Variants in MEPCE observed in about 807,000 individuals in gnomAD.
The protein encoded by MEPCE is 7SK snRNA methylphosphate capping enzyme.
MEPCE carries 9 observed loss-of-function variants against 52.3 expected under a neutral mutation model. The observed-to-expected ratio is 0.17, with a 90% CI of 0.10 to 0.30. The LOEUF is 0.30. Among genes scored for constraint, MEPCE ranks in the 10% least tolerant of loss-of-function variants. The pLI is 1.00. For synonymous variants in MEPCE, 477 were observed against 401.6 expected (o/e 1.19, Z -2.25); for missense variants, 826 against 933.0 (o/e 0.89, Z 1.49).
At position 100,431,301 on chromosome 7, in the gene MEPCE, C is replaced by A. The variant is rs535240966; in HGVS notation, c.1283C>A (p.Ser428Tyr). 1 of 1,614,202 alleles carries A rather than the reference C, an allele frequency of 6.2e-7. No individual in the cohort carries two copies. The highest frequency in any genetic ancestry group is 1.1e-5 in the South Asian group (1 of 91,090). ...YCKYYGYRNPSCEDGRLRVLK... is the reference protein window; with the variant it reads ...YCKYYGYRNPYCEDGRLRVLK... ...AAATACTATGGGTACCGCAATCCTTCCTGTGAGGATGGGCGCCTTCGGGTG... is the reference window on the plus strand; with the variant it reads ...AAATACTATGGGTACCGCAATCCTTACTGTGAGGATGGGCGCCTTCGGGTG... The change falls in exon 1 of 4, where the codon TCC (serine) becomes TAC (tyrosine). Residue 428 changes from serine (S) to tyrosine (Y), a missense_variant. Around this residue, in one of 7 missense-constraint regions of MEPCE, gnomAD observed 307 missense variants for 292.1 expected, o/e 1.05. Coordinates refer to ENST00000310512, the MANE Select transcript of MEPCE (RefSeq NM_019606.6).
In MEPCE at chr7:100,430,305, G is replaced by C; in HGVS notation, c.287G>C (p.Gly96Ala). ...GGCGGCCCCCAGGCGCAGTCGCATG[G>C]GGAGGCCCGCCTGTCGGATCCCCCG... ...RGGGPQAQSH[G>A]EARLSDPPGR... The change falls in exon 1 of 4, where the codon GGG (glycine) becomes GCG (alanine). Residue 96 changes from glycine (G) to alanine (A), a missense_variant. This residue lies in a region of MEPCE where 314 missense variants were observed against 277.7 expected (regional missense o/e 1.13). Transcript: ENST00000310512. 6 of 1,418,722 alleles carry C rather than the reference G, an allele frequency of 4.2e-6. No homozygotes were observed. Among genetic ancestry groups the C allele is most frequent in the Non-Finnish European group, 5.5e-6 (6 of 1,090,162 alleles). 87.9% of individuals were successfully genotyped at this position (1,418,722 alleles called of 1,614,324 possible). A position where few individuals can be genotyped will look rare whatever the true frequency, so the allele number is the denominator to read the frequency against.
chr7:100,429,201 C>T (rs928283862), upstream of MEPCE, among the ~76,000 whole-genome samples: 3 of 152,076 alleles, frequency 2.0e-5, no homozygotes, highest in African/African-American at 7.2e-5. Context: ...TTCATGAGCC[C>T]CGCCCTTCGT....
At chr7:100,433,421 G>A in intron 3 of MEPCE, 32 bp downstream of exon 3, 1 of 1,614,150 alleles carries the variant, frequency 6.2e-7, no homozygotes, top group Non-Finnish European at 8.5e-7. Flanking sequence ...AGGGAGGCTG[G>A]TCCTGGCTGA....
Position 100,431,094 on chromosome 7 carries a change from C to T in MEPCE, c.1076C>T (p.Ser359Phe). 6.2e-7 allele frequency: 1 copy of T among 1,613,820 alleles called. No homozygotes were observed. Among genetic ancestry groups the T allele is most frequent in the African/African-American group, 1.3e-5 (1 of 75,060 alleles). Residue 359 changes from serine (S) to phenylalanine (F), a missense_variant, in exon 1 of 4, where the codon TCC (serine) becomes TTC (phenylalanine). Physicochemically the swap from Ser to Phe is radical, Grantham distance 155. This residue lies in a region of MEPCE where 307 missense variants were observed against 292.1 expected (regional missense o/e 1.05). Transcript: ENST00000310512. ...GTTATCTCTGCACCCCCATCTTCCT[C>T]CTCCCGACATCGCAAACGTCGCAGG... Reference protein sequence around the residue: ...ASVISAPPSSSSRHRKRRRTS... With the variant: ...ASVISAPPSSFSRHRKRRRTS...
At position 100,430,316 on chromosome 7, in the gene MEPCE, C is replaced by T. The variant is rs946347031; in HGVS notation, c.298C>T (p.Leu100=). The change falls in exon 1 of 4, where the codon CTG becomes TTG. Residue 100 remains leucine (L), a synonymous_variant. Coordinates refer to ENST00000310512, the MANE Select transcript of MEPCE (RefSeq NM_019606.6). ...GGCGCAGTCGCATGGGGAGGCCCGC[C>T]TGTCGGATCCCCCGGGGCGAGCCGC... ...PQAQSHGEAR[L]SDPPGRAAPP... 6 of 1,419,736 alleles carry T rather than the reference C, an allele frequency of 4.2e-6. No homozygotes were observed. In the African/African-American group the frequency reaches 7.2e-5, roughly 17 times the overall value. The allele number at this position is 1,419,736 out of a possible 1,614,324, so 87.9% of individuals were successfully genotyped here.
chr7:100,433,488 C>G lies in MEPCE; in HGVS notation c.2018-14C>G, dbSNP rs200170619. ...GTGCTGCCAACCCCTTCTGATCACT[C>G]TCTCTCCCCTCAGGCTTCCAGCGTC... On this transcript the variant is annotated splice_polypyrimidine_tract_variant and intron_variant, in intron 3 of 3. Transcript: ENST00000310512. 2,211 of 1,614,074 alleles carry G rather than the reference C, an allele frequency of 1.4e-3. 5 individuals carry two copies. Among genetic ancestry groups the G allele is most frequent in the Non-Finnish European group, 1.7e-3 (1,961 of 1,179,988 alleles).
chr7:100,433,338 G>A lies in MEPCE; in HGVS notation c.1966G>A (p.Val656Met). Residue 656 changes from valine (V) to methionine (M), a missense_variant, in exon 3 of 4, where the codon GTG (valine) becomes ATG (methionine). Around this residue, in one of 7 missense-constraint regions of MEPCE, gnomAD observed 82 missense variants for 121.4 expected, o/e 0.68. Coordinates refer to ENST00000310512, the MANE Select transcript of MEPCE (RefSeq NM_019606.6). ...CAGTTCCTACCTGACATCCCCAGAC[G>A]TGGGCTTCTCCAGCTATGAGCTTGT... ...QFSSYLTSPD[V>M]GFSSYELVAT... 2 of 1,614,194 alleles carry A rather than the reference G, an allele frequency of 1.2e-6. No homozygotes were observed. The highest frequency in any genetic ancestry group is 1.7e-6 in the Non-Finnish European group (2 of 1,180,046).
intron 1 of MEPCE, among the ~76,000 whole-genome samples, chr7:100,432,555 G>T (rs1798749367): frequency 6.6e-6 from 1 of 152,142 alleles, no homozygotes; most frequent in South Asian, 2.1e-4. Flanking sequence ...TTGAAACCTG[G>T]GTTAGTTACC....
chr7:100,431,167 C>T lies in MEPCE; in HGVS notation c.1149C>T (p.Ser383=), dbSNP rs762386917. 6 of 1,613,684 alleles carry T rather than the reference C, an allele frequency of 3.7e-6. No homozygotes were observed. The South Asian group carries it at 5.5e-5, about 15-fold the overall frequency. The change falls in exon 1 of 4, where the codon TCC becomes TCT. Residue 383 remains serine (S), a synonymous_variant. Transcript: ENST00000310512. ...GGGCTAGGGGTGGAGGCCAGGGTTC[C>T]AAGGAAAAGGGCCGAGGGAGTTGGG... ...EAGARGGGQG[S]KEKGRGSWGG...
upstream of MEPCE, chr7:100,429,233 A>T (rs1388594374): frequency 1.3e-5 from 2 of 152,180 alleles, no homozygotes; most frequent in African/African-American, 4.8e-5. Context: ...GCCCCTCCGG[A>T]TCGCGCTGAC....
At position 100,431,092 on chromosome 7, in the gene MEPCE, C is replaced by G; in HGVS notation, c.1074C>G (p.Ser358=). Reference sequence around the variant, plus strand: ...CAGTTATCTCTGCACCCCCATCTTCCTCCTCCCGACATCGCAAACGTCGCA... The same window carrying G: ...CAGTTATCTCTGCACCCCCATCTTCGTCCTCCCGACATCGCAAACGTCGCA... ...AASVISAPPS[S]SSRHRKRRRT... is the part of the protein sequence containing the mutation. The change falls in exon 1 of 4, where the codon TCC becomes TCG. Residue 358 remains serine (S), a synonymous_variant. Transcript: ENST00000310512. 6.2e-7 allele frequency: 1 copy of G among 1,613,754 alleles called. No individual in the cohort carries two copies. Among genetic ancestry groups the G allele is most frequent in the Non-Finnish European group, 8.5e-7 (1 of 1,179,964 alleles).
In MEPCE at chr7:100,433,701, G is replaced by T; in HGVS notation, c.*147G>T. Reference sequence around the variant, plus strand: ...CTGCAAAGAAAGCTTTTCTTCCGTCGCTGCCTCAGCCTCCTCCCTATGCCT... The same window carrying T: ...CTGCAAAGAAAGCTTTTCTTCCGTCTCTGCCTCAGCCTCCTCCCTATGCCT... On this transcript the variant is annotated 3_prime_UTR_variant, in exon 4 of 4. Transcript: ENST00000310512. 2 of 816,030 alleles carry T rather than the reference G, an allele frequency of 2.5e-6. No individual in the cohort carries two copies. The highest frequency in any genetic ancestry group is 3.8e-6 in the Non-Finnish European group (2 of 522,960). 50.5% of individuals were successfully genotyped at this position (816,030 alleles called of 1,614,324 possible). A position where few individuals can be genotyped will look rare whatever the true frequency, so the allele number is the denominator to read the frequency against.
chr7:100,433,607 C>T lies in MEPCE; in HGVS notation c.*53C>T. Reference sequence around the variant, plus strand: ...AGGCTGCCCTCGCTGCTCATAAGGACCTGGGGGAAGAGGAAAGTGTCCCAA... The same window carrying T: ...AGGCTGCCCTCGCTGCTCATAAGGATCTGGGGGAAGAGGAAAGTGTCCCAA... On this transcript the variant is annotated 3_prime_UTR_variant, in exon 4 of 4. Coordinates refer to ENST00000310512, the MANE Select transcript of MEPCE (RefSeq NM_019606.6). The T allele has an allele frequency of 6.4e-7, 1 of 1,555,264 alleles. No homozygotes were observed. The highest frequency in any genetic ancestry group is 8.8e-7 in the Non-Finnish European group (1 of 1,132,570).
chr7:100,433,672 G>C lies in MEPCE; in HGVS notation c.*118G>C, dbSNP rs1232106867. The C allele has an allele frequency of 2.8e-6, 3 of 1,070,886 alleles. No homozygotes were observed. The highest frequency in any genetic ancestry group is 4.1e-6 in the Non-Finnish European group (3 of 730,048). The allele number at this position is 1,070,886 out of a possible 1,614,324, so 66.3% of individuals were successfully genotyped here. ...GACTCCAAAAATAGTTTCCTTTCTTGGATCTGCAAAGAAAGCTTTTCTTCC... is the reference window on the plus strand; with the variant it reads ...GACTCCAAAAATAGTTTCCTTTCTTCGATCTGCAAAGAAAGCTTTTCTTCC... On this transcript the variant is annotated 3_prime_UTR_variant, in exon 4 of 4. Transcript: ENST00000310512.
chr7:100,430,959 A>G lies in MEPCE; in HGVS notation c.941A>G (p.Gln314Arg), dbSNP rs531495501. 2 of 1,609,206 alleles carry G rather than the reference A, an allele frequency of 1.2e-6. No homozygotes were observed. The highest frequency in any genetic ancestry group is 2.7e-5 in the African/African-American group (2 of 74,966). Reference sequence around the variant, plus strand: ...AGGGGCCAGAACCGGGATGCCCCCCAACCCTATGAACTCAACACAGCCATC... The same window carrying G: ...AGGGGCCAGAACCGGGATGCCCCCCGACCCTATGAACTCAACACAGCCATC... Reference protein sequence around the residue: ...RHRGQNRDAPQPYELNTAINC... With the variant: ...RHRGQNRDAPRPYELNTAINC... Residue 314 changes from glutamine (Q) to arginine (R), a missense_variant, in exon 1 of 4, where the codon CAA becomes CGA. Gln to Arg is a conservative substitution (Grantham distance 43). Around this residue, in one of 7 missense-constraint regions of MEPCE, gnomAD observed 307 missense variants for 292.1 expected, o/e 1.05. Coordinates refer to ENST00000310512, the MANE Select transcript of MEPCE (RefSeq NM_019606.6).
rs760359901 is a variant in MEPCE, at chr7:100,431,495, G to A, written c.1477G>A (p.Glu493Lys). Residue 493 changes from glutamate to lysine, a missense_variant, in exon 1 of 4, where the codon GAG (glutamate) becomes AAG (lysine). Coordinates refer to ENST00000310512, the MANE Select transcript of MEPCE (RefSeq NM_019606.6). ...CCAAAACATCCGACACTACCTTTCC[G>A]AGGAGCTGCGTCTCCCACCCCAGAC... is the stretch of plus-strand genomic sequence containing the variant. ...ARQNIRHYLSEELRLPPQTLE... is the reference protein window; with the variant it reads ...ARQNIRHYLSKELRLPPQTLE... The A allele has an allele frequency of 9.9e-6, 16 of 1,613,392 alleles. No individual in the cohort carries two copies. The highest frequency in any genetic ancestry group is 1.4e-5 in the Non-Finnish European group (16 of 1,180,026).
chr7:100,431,127 G>A lies in MEPCE; in HGVS notation c.1109G>A (p.Ser370Asn). ...CATCGCAAACGTCGCAGGACTTCCA[G>A]CAAGTCGGAGGCAGGGGCTAGGGGT... The part of the protein sequence containing the change: ...SRHRKRRRTS[S>N]KSEAGARGGG... Residue 370 changes from serine (S) to asparagine (N), a missense_variant, in exon 1 of 4, where the codon AGC becomes AAC. Ser to Asn is a conservative substitution (Grantham distance 46, BLOSUM62 1). Coordinates refer to ENST00000310512, the MANE Select transcript of MEPCE (RefSeq NM_019606.6). The A allele has an allele frequency of 6.2e-7, 1 of 1,613,754 alleles. No homozygotes were observed. Among genetic ancestry groups the A allele is most frequent in the East Asian group, 2.2e-5 (1 of 44,894 alleles).
intron 1 of MEPCE, among the ~76,000 whole-genome samples, chr7:100,432,241 C>T (rs1178167087): frequency 1.3e-5 from 2 of 152,034 alleles, no homozygotes; most frequent in Non-Finnish European, 2.9e-5. Context: ...CCACATTGAC[C>T]CTAGATAGTG....
rs756561147 is a variant in MEPCE, at chr7:100,430,446, G to C, written c.428G>C (p.Gly143Ala). 4 of 1,556,400 alleles carry C rather than the reference G, an allele frequency of 2.6e-6. No homozygotes were observed. The highest frequency in any genetic ancestry group is 1.7e-4 in the Middle Eastern group (1 of 5,858). Residue 143 changes from glycine to alanine, a missense_variant, in exon 1 of 4, where the codon GGG (glycine) becomes GCG (alanine). Physicochemically the swap from Gly to Ala is moderately conservative, Grantham distance 60. Coordinates refer to ENST00000310512, the MANE Select transcript of MEPCE (RefSeq NM_019606.6). ...GGCTATCAGCCCCACCGGCCACCTG[G>C]GGGGGGCGGGGGCAAGAGGAGAAAT... is the stretch of plus-strand genomic sequence containing the variant. ...RNGYQPHRPP[G>A]GGGGKRRNSC...
Sources: allele counts gnomAD v4.1 joint callset (sites outside exome capture counted in the v4.1 genomes callset), GRCh38; gene constraint gnomAD v4.1.1; regional missense constraint gnomAD v4.1.1; transcripts MANE v1.5; gene names NCBI Gene and HGNC (gene_info 2026-07-23, HGNC 2026-07-21).